The following BTBD1 variants were observed in gnomAD, a reference collection of about 807,000 sequenced individuals.
BTBD1 encodes the protein BTB/POZ domain-containing protein 1.
In BTBD1, 34 loss-of-function variants were observed where a neutral mutation model predicts 48.0. The ratio of observed to expected loss-of-function variants is 0.71; its 90% CI spans 0.54 to 0.94. The LOEUF is 0.94. Ranked by LOEUF, BTBD1 falls within the 40% of genes least tolerant of loss-of-function variation. The pLI is 0.00. For synonymous variants in BTBD1, 261 were observed against 242.1 expected, an observed-to-expected ratio of 1.08 and a Z score of -0.72; for missense variants, 543 against 625.6, an observed-to-expected ratio of 0.87 and a Z score of 1.41.
At chr15:83,040,432 G>A (rs2032729413) in intron 4 of BTBD1, among the ~76,000 whole-genome samples, 1 of 152,188 alleles carries the variant, frequency 6.6e-6, no homozygotes, top group Admixed American at 6.5e-5. Flanking sequence ...GCTAGGCACA[G>A]TGGCTCATGC....
rs771904473 is a variant in BTBD1 at position 83,067,165 on chromosome 15, G to C, written c.-14C>G. 1.4e-6 allele frequency: 2 copies of C among 1,414,252 alleles called. No homozygotes were observed. Among genetic ancestry groups the C allele is most frequent in the African/African-American group, 3.0e-5 (2 of 66,642 alleles). 87.6% of individuals were successfully genotyped at this position (1,414,252 alleles called of 1,614,324 possible). On this transcript the variant is annotated 5_prime_UTR_variant, in exon 1 of 8. Coordinates refer to ENST00000261721, the MANE Select transcript of BTBD1 (RefSeq NM_025238.4). Reference sequence around the variant, plus strand: ...GAGTGAGGCCATCCTCCAGCTGCGCGGTTGCCCACGTTATGGACAAAACTC... The same window carrying C: ...GAGTGAGGCCATCCTCCAGCTGCGCCGTTGCCCACGTTATGGACAAAACTC...
intron 1 of BTBD1, among the ~76,000 whole-genome samples, chr15:83,064,810 C>T (rs1484357435): frequency 6.6e-6 from 1 of 152,170 alleles, no homozygotes; most frequent in Non-Finnish European, 1.5e-5. Flanking sequence ...TATACCCAAT[C>T]CTCCTGGTGA....
chr15:83,018,028 G>T lies in BTBD1; in HGVS notation c.*39C>A. ...CCATTTATGTTTTTGACACTAGATT[G>T]TATGGTATTATTTAGCCAAGATGTA... On this transcript the variant is annotated 3_prime_UTR_variant, in exon 8 of 8. Coordinates refer to ENST00000261721, the MANE Select transcript of BTBD1 (RefSeq NM_025238.4). 1.4e-6 allele frequency: 2 copies of T among 1,418,010 alleles called. No homozygotes were observed. Among genetic ancestry groups the T allele is most frequent in the Non-Finnish European group, 9.6e-7 (1 of 1,041,320 alleles). 87.8% of individuals were successfully genotyped at this position (1,418,010 alleles called of 1,614,324 possible). A position where few individuals can be genotyped will look rare whatever the true frequency, so the allele number is the denominator to read the frequency against.
At chr15:83,028,214 G>A (rs896898588) in intron 5 of BTBD1, among the ~76,000 whole-genome samples, 9 of 152,258 alleles carry the variant, frequency 5.9e-5, no homozygotes, top group Admixed American at 1.3e-4. Flanking sequence ...AGTTTATCAT[G>A]TCAAACAAGT....
intron 4 of BTBD1, among the ~76,000 whole-genome samples, chr15:83,031,070 AT>A (rs1480032368): frequency 8.5e-5 from 13 of 152,294 alleles, no homozygotes; most frequent in African/African-American, 3.1e-4. Flanking sequence ...GTCAAATGGT[AT>A]TTCTAGTTCT....
chr15:83,067,011 G>C lies in BTBD1; in HGVS notation c.141C>G (p.Asn47Lys). 1 of 1,585,458 alleles carries C rather than the reference G, an allele frequency of 6.3e-7. No homozygotes were observed. Among genetic ancestry groups the C allele is most frequent in the Non-Finnish European group, 8.6e-7 (1 of 1,167,972 alleles). ...LLPLQREPLY[N>K]WQATKASLKE... ...TCAGCGACGCCTTGGTCGCCTGCCA[G>C]TTGTAGAGAGGTTCCCGCTGCAGGG... Residue 47 changes from asparagine (N) to lysine (K), a missense_variant, in exon 1 of 8, where the codon AAC becomes AAG. By Grantham distance (94) the Asn-to-Lys change is moderately conservative (BLOSUM62 0). Transcript: ENST00000261721.
Position 83,026,517 on chromosome 15 carries a change from C to CT in BTBD1, c.1055+3618dup, listed in dbSNP as rs563990083. ...TGTTTATAAACCAGATTTTTTAGTG[C>CT]TTTTTTTTTTTTTTTTTTTTTTGAG... On this transcript the variant is annotated intron_variant, in intron 5 of 7. Coordinates refer to ENST00000261721, the MANE Select transcript of BTBD1 (RefSeq NM_025238.4). 5.2e-3 allele frequency among the ~76,000 whole-genome samples: 461 copies of CT among 88,234 alleles called. 3 individuals carry two copies. Among genetic ancestry groups the CT allele is most frequent in the East Asian group, 0.021 (58 of 2,786 alleles). The allele number at this position is 88,234 out of a possible 152,430, so 57.9% of individuals were successfully genotyped here.
chr15:83,035,451 A>C (rs2032607401), intron 4 of BTBD1, among the ~76,000 whole-genome samples: 2 of 152,126 alleles, frequency 1.3e-5, no homozygotes, highest in African/African-American at 4.8e-5. Flanking sequence ...GATAAGAAGA[A>C]ATCTCAAATA....
chr15:83,023,191 A>C (rs2032334161), intron 5 of BTBD1, among the ~76,000 whole-genome samples: 1 of 152,154 alleles, frequency 6.6e-6, no homozygotes, highest in South Asian at 2.1e-4. Context: ...ATGGTTAAAA[A>C]AACTACCAAT....
At chr15:83,049,347 G>T (rs1326464105) in intron 3 of BTBD1, among the ~76,000 whole-genome samples, 7 of 152,166 alleles carry the variant, frequency 4.6e-5, no homozygotes, top group African/African-American at 1.7e-4. Context: ...AAACCCTACA[G>T]ATCGTGGCCC....
chr15:83,040,697 C>T (rs60896608), intron 4 of BTBD1, among the ~76,000 whole-genome samples: 2 of 112,492 alleles, frequency 1.8e-5, no homozygotes, highest in African/African-American at 3.4e-5. Flanking sequence ...GAGACCCTGT[C>T]TCAAAAAAAA....
At position 83,018,694 on chromosome 15, in the gene BTBD1, G is replaced by A. The variant is rs767308168; in HGVS notation, c.1290+13C>T. The A allele has an allele frequency of 1.7e-5, 27 of 1,612,970 alleles. No homozygotes were observed. In the South Asian group the frequency reaches 2.5e-4, roughly 15 times the overall value. ...AAGAGGAAACCATCTGGAACATAGT[G>A]CATGACTCTTACTTTGAGTGTTGCA... On this transcript the variant is annotated intron_variant, in intron 7 of 7. Transcript: ENST00000261721.
chr15:83,049,434 C>A lies in BTBD1; in HGVS notation c.664+639G>T, dbSNP rs1455727365. 2.6e-5 allele frequency among the ~76,000 whole-genome samples: 4 copies of A among 152,174 alleles called. No individual in the cohort carries two copies. The South Asian group carries it at 6.2e-4, about 24-fold the overall frequency. Reference sequence around the variant, plus strand: ...TCAAGGACCTACTGTGCTATCCATTCTTTAAGGCTCATATCAGAACCTCCT... The same window carrying A: ...TCAAGGACCTACTGTGCTATCCATTATTTAAGGCTCATATCAGAACCTCCT... On this transcript the variant is annotated intron_variant, in intron 3 of 7. Coordinates refer to ENST00000261721, the MANE Select transcript of BTBD1 (RefSeq NM_025238.4).
At chr15:83,046,682 G>C (rs1282427558) in intron 3 of BTBD1, among the ~76,000 whole-genome samples, 2 of 152,160 alleles carry the variant, frequency 1.3e-5, no homozygotes, top group African/African-American at 4.8e-5. Flanking sequence ...GAAATCTTAG[G>C]ATTAAGCAAT....
chr15:83,045,868 C>A (rs529186703), intron 3 of BTBD1, among the ~76,000 whole-genome samples: 1 of 151,954 alleles, frequency 6.6e-6, no homozygotes, highest in Non-Finnish European at 1.5e-5. Flanking sequence ...AACACATAAA[C>A]TTTATTACTA....
chr15:83,056,521 T>G lies in BTBD1; in HGVS notation c.426A>C (p.Gln142His), dbSNP rs764788246. 2.5e-6 allele frequency: 4 copies of G among 1,613,886 alleles called. No individual in the cohort carries two copies. The highest frequency in any genetic ancestry group is 1.7e-5 in the Admixed American group (1 of 60,008). Residue 142 changes from glutamine to histidine, a missense_variant, in exon 2 of 8, where the codon CAA (glutamine) becomes CAC (histidine). Around this residue, in one of 3 missense-constraint regions of BTBD1, gnomAD observed 70 missense variants for 111.7 expected, o/e 0.63. Coordinates refer to ENST00000261721, the MANE Select transcript of BTBD1 (RefSeq NM_025238.4). ...LLRFLYSDEV[Q>H]IGPETVMTTL... is the part of the protein sequence containing the mutation. ...TGGTCATAACTGTTTCTGGACCAAT[T>G]TGAACTTCATCTGAATATAGAAATC... is the stretch of plus-strand genomic sequence containing the variant.
chr15:83,051,624 C>G (rs2032983482), intron 2 of BTBD1, among the ~76,000 whole-genome samples: 1 of 151,338 alleles, frequency 6.6e-6, no homozygotes, highest in Admixed American at 6.6e-5. Flanking sequence ...AATTTTAGCA[C>G]TAAATAAAAA....
At chr15:83,053,041 T>C (rs573418662) in intron 2 of BTBD1, among the ~76,000 whole-genome samples, 1 of 152,264 alleles carries the variant, frequency 6.6e-6, no homozygotes, top group Admixed American at 6.5e-5. Context: ...AATTATCTTA[T>C]TCAGGGTAGC....
At chr15:83,061,135 C>T (rs1297623576) in intron 1 of BTBD1, among the ~76,000 whole-genome samples, 5 of 152,200 alleles carry the variant, frequency 3.3e-5, no homozygotes, top group South Asian at 4.1e-4. Context: ...TAGCCTACTA[C>T]GCACCTAAGC....
Sources: gnomAD v4.1 joint callset for allele counts (sites outside exome capture counted in the v4.1 genomes callset) on GRCh38, gnomAD v4.1.1 for gene constraint, gnomAD v4.1.1 regional missense constraint, MANE v1.5 for transcripts, NCBI Gene and HGNC (gene_info 2026-07-23, HGNC 2026-07-21) for gene names.